Variants in SBF2 observed in about 807,000 individuals in gnomAD.
SBF2 encodes SET binding factor 2.
SBF2 carries 112 observed loss-of-function variants against 225.2 expected under a neutral mutation model. The observed-to-expected ratio is 0.50, with a 90% confidence interval of 0.43 to 0.58. The LOEUF (loss-of-function observed/expected upper bound fraction) is 0.58, where lower values mean the gene tolerates loss of function less well. Among genes scored for constraint, SBF2 ranks in the 20% least tolerant of loss-of-function variants. The pLI is 0.00. For missense variants in SBF2, 1,996 were observed against 2,206.2 expected (o/e 0.90, Z 1.91); for synonymous variants, 763 against 773.3 (o/e 0.99, Z 0.22).
intron 2 of SBF2, among the ~76,000 whole-genome samples, chr11:10,136,170 G>A (rs773849763): frequency 1.3e-5 from 2 of 152,132 alleles, no homozygotes; most frequent in South Asian, 4.2e-4. Context: ...TCACTATCAC[G>A]AGAATATCAT....
chr11:9,850,599 A>G (rs185169379), intron 21 of SBF2, among the ~76,000 whole-genome samples: 2 of 152,324 alleles, frequency 1.3e-5, no homozygotes, highest in East Asian at 1.9e-4. Context: ...TACTTAGTCC[A>G]TGGTTATCTT....
At chr11:9,963,991 C>A in intron 14 of SBF2, 109 bp from the exon 15 acceptor site, 1 of 684,704 alleles carries the variant, frequency 1.5e-6, no homozygotes. Context: ...AGGCTCACAC[C>A]CGTAATCCCA....
chr11:10,061,187 T>A (rs999086278), intron 2 of SBF2, among the ~76,000 whole-genome samples: 1 of 152,108 alleles, frequency 6.6e-6, no homozygotes, highest in African/African-American at 2.4e-5. Context: ...AAACTACATA[T>A]TGAAGGAACA....
At chr11:10,265,762 C>T (rs1005954236) in intron 1 of SBF2, among the ~76,000 whole-genome samples, 1 of 152,096 alleles carries the variant, frequency 6.6e-6, no homozygotes, top group Non-Finnish European at 1.5e-5. Flanking sequence ...CATGGCTCAC[C>T]ACAGCCTCAA....
intron 13 of SBF2, among the ~76,000 whole-genome samples, chr11:9,983,149 G>A (rs1470354157): frequency 6.6e-6 from 1 of 152,252 alleles, no homozygotes; most frequent in Non-Finnish European, 1.5e-5. Context: ...TTCTTTCACA[G>A]CTGGGAGGCG....
At chr11:10,275,406 C>T (rs1332425740) in intron 1 of SBF2, among the ~76,000 whole-genome samples, 4 of 152,144 alleles carry the variant, frequency 2.6e-5, no homozygotes, top group Non-Finnish European at 2.9e-5. Flanking sequence ...AGCATCTTGA[C>T]GGGTATGACA....
chr11:9,840,550 T>C (rs1856060138), intron 25 of SBF2, among the ~76,000 whole-genome samples: 1 of 152,212 alleles, frequency 6.6e-6, no homozygotes, highest in Admixed American at 6.5e-5. Flanking sequence ...ATTGTCAAAT[T>C]GCAGTGATTT....
chr11:9,859,827 T>G (rs1409949088), intron 17 of SBF2, among the ~76,000 whole-genome samples: 1 of 152,202 alleles, frequency 6.6e-6, no homozygotes, highest in Non-Finnish European at 1.5e-5. Flanking sequence ...TGGGTGGTTG[T>G]GATTTTGCCT....
At chr11:10,252,833 ATC>A (rs1565403059) in intron 1 of SBF2, among the ~76,000 whole-genome samples, 111 of 136,306 alleles carry the variant, frequency 8.1e-4, no homozygotes, top group Middle Eastern at 3.6e-3. Context: ...AAAAAAAAAA[ATC>A]AAAAAAAAGA....
chr11:9,960,057 C>T (rs879338283), intron 16 of SBF2: 1 of 256,216 alleles, frequency 3.9e-6, no homozygotes, highest in Admixed American at 4.8e-5. Context: ...TATTGATAGG[C>T]GCAATTATAG....
intron 27 of SBF2, 193 bp from the exon 28 acceptor site, chr11:9,829,689 T>C: frequency 1.8e-6 from 1 of 566,496 alleles, no homozygotes; most frequent in South Asian, 2.0e-5. Context: ...TCCACTGTAA[T>C]GCTGGTTTTA....
chr11:10,005,982 C>T (rs1948171152), intron 6 of SBF2, among the ~76,000 whole-genome samples: 1 of 152,132 alleles, frequency 6.6e-6, no homozygotes, highest in South Asian at 2.1e-4. Flanking sequence ...ACCTGAGACA[C>T]AATGGCTCTC....
chr11:9,864,229 T>C (rs758908793), intron 17 of SBF2, among the ~76,000 whole-genome samples: 4 of 152,178 alleles, frequency 2.6e-5, no homozygotes, highest in South Asian at 2.1e-4. Flanking sequence ...GATTGAACAG[T>C]ACAAGTATCC....
chr11:10,117,188 C>G (rs1001437911), intron 2 of SBF2, among the ~76,000 whole-genome samples: 26 of 152,178 alleles, frequency 1.7e-4, no homozygotes, highest in African/African-American at 5.8e-4. Context: ...CGCCTGTAAT[C>G]CCAGCACTTC....
chr11:9,828,217 A>T, intron 28 of SBF2: 1 of 1,287,938 alleles, frequency 7.8e-7, no homozygotes, highest in Non-Finnish European at 1.0e-6. Flanking sequence ...TCCTCCTTTC[A>T]GTCCCTAAAG....
chr11:10,265,799 C>T (rs1961924896), intron 1 of SBF2, among the ~76,000 whole-genome samples: 2 of 152,182 alleles, frequency 1.3e-5, no homozygotes, highest in African/African-American at 4.8e-5. Context: ...ACTCCTCCCT[C>T]CTGCCTCAGC....
At chr11:9,846,899 A>G in intron 23 of SBF2, 57 bp downstream of exon 23, 2 of 1,598,160 alleles carry the variant, frequency 1.3e-6, no homozygotes, top group South Asian at 1.1e-5. Context: ...TGGCCATAAT[A>G]TCATTTGACT....
intron 26 of SBF2, among the ~76,000 whole-genome samples, chr11:9,834,083 A>C (rs999360401): frequency 6.8e-6 from 1 of 146,326 alleles, no homozygotes; most frequent in South Asian, 2.1e-4. Context: ...GTATCTTTTT[A>C]TTTATTTTAT....
intron 1 of SBF2, among the ~76,000 whole-genome samples, chr11:10,239,837 T>C (rs1007920095): frequency 6.6e-6 from 1 of 152,220 alleles, no homozygotes. Context: ...TATTTTGGGT[T>C]TTAAAATTTT....
Sources: allele counts gnomAD v4.1 joint callset (sites outside exome capture counted in the v4.1 genomes callset), GRCh38; gene constraint gnomAD v4.1.1; transcripts MANE v1.5; gene names NCBI Gene and HGNC (gene_info 2026-07-23, HGNC 2026-07-21).